EML2: variants seen among roughly 807,000 people sequenced by gnomAD.
The protein encoded by EML2 is echinoderm microtubule-associated protein-like 2.
Under a neutral mutation model 84.7 loss-of-function variants are expected in EML2, and 59 were observed. The observed-to-expected ratio is 0.70, with a 90% CI of 0.56 to 0.86. EML2 has a LOEUF of 0.86. Among genes scored for constraint, EML2 ranks in the 40% least tolerant of loss-of-function variants. The pLI, the probability that EML2 is intolerant of heterozygous loss-of-function variation, is 0.00. For synonymous variants in EML2, 352 were observed against 348.9 expected (o/e 1.01, Z -0.10); for missense variants, 818 against 855.6 (o/e 0.96, Z 0.55).
Position 45,633,070 on chromosome 19 carries a change from C to T in EML2, c.399G>A (p.Lys133=). 1 of 1,590,494 alleles carries T rather than the reference C, an allele frequency of 6.3e-7. No homozygotes were observed. The highest frequency in any genetic ancestry group is 8.6e-7 in the Non-Finnish European group (1 of 1,168,934). The change falls in exon 5 of 19, where the codon AAG becomes AAA. Residue 133 remains lysine, a splice_region_variant and synonymous_variant. Transcript: ENST00000245925. ...TCTGCTTTCCCCTCCCTTCCATTACCTTCCCTTCCTTAGTGGTTCCCGCCA... is the reference window on the plus strand; with the variant it reads ...TCTGCTTTCCCCTCCCTTCCATTACTTTCCCTTCCTTAGTGGTTCCCGCCA... ...GQVAGTTKEG[K]PLPPHVRIWD... is the part of the protein sequence containing the mutation.
At chr19:45,642,992 A>G (rs906311258), upstream of EML2, among the ~76,000 whole-genome samples, 20 of 151,280 alleles carry the variant, frequency 1.3e-4, no homozygotes, top group African/African-American at 4.1e-4. Flanking sequence ...CTCAAAAAAA[A>G]AAAAAAGAAA....
chr19:45,625,559 C>T (rs1972211067), intron 8 of EML2, among the ~76,000 whole-genome samples: 1 of 152,072 alleles, frequency 6.6e-6, no homozygotes, highest in Admixed American at 6.6e-5. Flanking sequence ...CCTGACTTCT[C>T]CCCTCCTGTC....
intron 1 of EML2, chr19:45,639,123 G>T: frequency 1.5e-6 from 1 of 670,692 alleles, no homozygotes; most frequent in Non-Finnish European, 2.6e-6. Flanking sequence ...CGCGATCCTG[G>T]AAGAAGGGAG....
upstream of EML2, chr19:45,640,006 A>ATAAT (rs1974271315): frequency 6.6e-6 from 1 of 151,964 alleles, no homozygotes; most frequent in Non-Finnish European, 1.5e-5. Flanking sequence ...AAATAAATAA[A>ATAAT]TAAATAAGAG....
At chr19:45,627,199 C>A (rs1417538555) in intron 7 of EML2, among the ~76,000 whole-genome samples, 1 of 151,816 alleles carries the variant, frequency 6.6e-6, no homozygotes, top group Non-Finnish European at 1.5e-5. Context: ...CCTCGTGATC[C>A]ACCCGCCTCA....
intron 18 of EML2, among the ~76,000 whole-genome samples, chr19:45,611,818 G>C (rs1376881565): frequency 6.6e-6 from 1 of 151,802 alleles, no homozygotes; most frequent in Non-Finnish European, 1.5e-5. Context: ...AGGCATGAAT[G>C]CTCAATTTAG....
intron 9 of EML2, among the ~76,000 whole-genome samples, chr19:45,622,348 C>G (rs914963594): frequency 5.3e-5 from 8 of 152,142 alleles, no homozygotes; most frequent in African/African-American, 1.9e-4. Context: ...ATCCAGTCAG[C>G]CACCCTGCCA....
At chr19:45,626,943 T>G in intron 7 of EML2, 104 bp from the exon 8 acceptor site, 1 of 1,018,138 alleles carries the variant, frequency 9.8e-7, no homozygotes, top group South Asian at 2.2e-5. Context: ...TGTTGTATGC[T>G]GCACACCTGA....
In EML2 at chr19:45,631,884, ATTTTTTT is replaced by A. The variant is rs755529171; in HGVS notation, c.510+970_510+976del. On this transcript the variant is annotated intron_variant, in intron 6 of 18. Coordinates refer to ENST00000245925, the MANE Select transcript of EML2 (RefSeq NM_012155.4). Reference sequence around the variant, plus strand: ...ACACTAGTACACCCAGCTAATTAGAATTTTTTTTTTTTTTTTTTTTTTTTTTAGTTGG... The same window carrying A: ...ACACTAGTACACCCAGCTAATTAGAATTTTTTTTTTTTTTTTTTTAGTTGG... 1.1e-3 allele frequency among the ~76,000 whole-genome samples: 95 copies of A among 90,332 alleles called. 1 individual carries two copies. The highest frequency in any genetic ancestry group is 4.0e-3 in the Admixed American group (28 of 7,014). The allele number at this position is 90,332 out of a possible 152,430, so 59.3% of individuals were successfully genotyped here. A position where few individuals can be genotyped will look rare whatever the true frequency, so the allele number is the denominator to read the frequency against.
upstream of EML2, chr19:45,645,141 C>T (rs1974932964): frequency 1.9e-6 from 2 of 1,064,002 alleles, no homozygotes; most frequent in Non-Finnish European, 1.3e-6. Context: ...GGGTCAGGGT[C>T]CTGCTGAGGG....
intron 11 of EML2, chr19:45,620,778 G>A (rs1323178427): frequency 3.0e-6 from 1 of 338,556 alleles, no homozygotes; most frequent in African/African-American, 2.1e-5. Context: ...AATTGGGTCA[G>A]GGGTAAGGAA....
Position 45,615,823 on chromosome 19 carries a change from C to T in EML2, c.1576G>A (p.Gly526Arg). Residue 526 changes from glycine to arginine, a missense_variant, in exon 16 of 19, where the codon GGG becomes AGG. Physicochemically the swap from Gly to Arg is moderately radical, Grantham distance 125. Transcript: ENST00000245925. ...TCACAGTACAGAATCTCATAGTCCC[C>T]GGAGTTGGTGACAAAGCAGCTGCTG... Reference protein sequence around the residue: ...QDSSCFVTNSGDYEILYWDPA... With the variant: ...QDSSCFVTNSRDYEILYWDPA... 1.2e-6 allele frequency: 2 copies of T among 1,613,786 alleles called. No individual in the cohort carries two copies. Among genetic ancestry groups the T allele is most frequent in the Non-Finnish European group, 8.5e-7 (1 of 1,179,856 alleles).
At position 45,621,311 on chromosome 19, in the gene EML2, C is replaced by T; in HGVS notation, c.1018G>A (p.Val340Met). The T allele has an allele frequency of 6.2e-7, 1 of 1,609,654 alleles. No homozygotes were observed. The highest frequency in any genetic ancestry group is 8.5e-7 in the Non-Finnish European group (1 of 1,177,106). Residue 340 changes from valine (V) to methionine (M), a missense_variant, in exon 11 of 19, where the codon GTG (valine) becomes ATG (methionine). Val to Met is a conservative substitution (Grantham distance 21, BLOSUM62 1). Coordinates refer to ENST00000245925, the MANE Select transcript of EML2 (RefSeq NM_012155.4). ...EVEVPEDFGP[V>M]RTVAEGHGDT... The stretch of plus-strand genomic sequence containing the variant: ...CCGTGGCCCTCTGCCACGGTGCGCA[C>T]AGGGCCAAAGTCCTCAGGGACCTGG...
upstream of EML2, chr19:45,642,240 C>G (rs966799455): frequency 3.9e-6 from 6 of 1,535,784 alleles, no homozygotes; most frequent in African/African-American, 2.7e-5. Context: ...GCAGAGCATC[C>G]GCCAGCGCCG....
rs765759936 is a variant in EML2 at position 45,638,524 on chromosome 19, G to C, written c.160C>G (p.Arg54Gly). ...GGATACACCCACTCCAGCTTGAGCC[G>C]GCAAGAAGGCAGCTCCGAGCGTGTG... is the stretch of plus-strand genomic sequence containing the variant. ...LDTRSELPSC[R>G]LKLEWVYGYR... The change falls in exon 3 of 19, where the codon CGG becomes GGG. Residue 54 changes from arginine to glycine, a missense_variant. Arg to Gly is a moderately radical substitution (Grantham distance 125). Coordinates refer to ENST00000245925, the MANE Select transcript of EML2 (RefSeq NM_012155.4). 23 of 1,613,928 alleles carry C rather than the reference G, an allele frequency of 1.4e-5. No individual in the cohort carries two copies. Among genetic ancestry groups the C allele is most frequent in the Non-Finnish European group, 1.5e-5 (18 of 1,180,008 alleles).
At chr19:45,621,413 G>A (rs1600116711) in intron 10 of EML2, 70 bp downstream of exon 10, 1 of 1,573,740 alleles carries the variant, frequency 6.4e-7, no homozygotes, top group East Asian at 2.3e-5. Flanking sequence ...AGGAGGGTCT[G>A]GCGTTGGGAG....
chr19:45,643,527 G>T, upstream of EML2: 2 of 1,534,660 alleles, frequency 1.3e-6, no homozygotes, highest in Non-Finnish European at 8.7e-7. Flanking sequence ...AAAGTGGGAG[G>T]GGCGGAGACC....
At chr19:45,613,489 C>G in intron 18 of EML2, 52 bp downstream of exon 18, 1 of 1,598,100 alleles carries the variant, frequency 6.3e-7, no homozygotes, top group Non-Finnish European at 8.5e-7. Context: ...TGAATTTTGT[C>G]CCCACCCCTG....
At chr19:45,632,495 T>TA (rs1568473646) in intron 6 of EML2, 11 of 183,948 alleles carry the variant, frequency 6.0e-5, no homozygotes, top group African/African-American at 1.7e-4. Context: ...GGATTTTTTT[T>TA]TAAAAAAAAG....
Sources: allele counts gnomAD v4.1 joint callset (sites outside exome capture counted in the v4.1 genomes callset), GRCh38; gene constraint gnomAD v4.1.1; transcripts MANE v1.5; gene names NCBI Gene and HGNC (gene_info 2026-07-23, HGNC 2026-07-21).